HSD17B12: variants seen among roughly 807,000 people sequenced by gnomAD.
HSD17B12 encodes the protein hydroxysteroid 17-beta dehydrogenase 12, also known as very-long-chain 3-oxoacyl-CoA reductase.
In HSD17B12, 32 loss-of-function variants were observed where a neutral mutation model predicts 39.3. The ratio of observed to expected loss-of-function variants is 0.81; its 90% CI spans 0.61 to 1.09. The LOEUF (loss-of-function observed/expected upper bound fraction) is 1.09. HSD17B12 is among the 50% of genes least tolerant of loss of function. HSD17B12 has a pLI of 0.00. For missense variants in HSD17B12, 342 were observed against 382.9 expected (o/e 0.89, Z 0.89); for synonymous variants, 150 against 146.7 (o/e 1.02, Z -0.16).
intron 3 of HSD17B12, chr11:43,754,939 C>G: frequency 1.3e-6 from 1 of 749,956 alleles, no homozygotes; most frequent in Non-Finnish European, 2.4e-6. Context: ...CTCAATCAAC[C>G]AGATGGATAA....
chr11:43,624,930 T>C, the HSD17B12 span, among the ~76,000 whole-genome samples: 1 of 151,858 alleles, frequency 6.6e-6, no homozygotes, highest in Non-Finnish European at 1.5e-5. Flanking sequence ...CCAGGAATAG[T>C]TAAATGATTA....
chr11:43,605,921 G>A, the HSD17B12 span, among the ~76,000 whole-genome samples: 2 of 152,218 alleles, frequency 1.3e-5, no homozygotes, highest in African/African-American at 4.8e-5. Context: ...ATCTTAAAGA[G>A]TTGCCTTTCA....
intron 1 of HSD17B12, among the ~76,000 whole-genome samples, chr11:43,728,296 C>A (rs1243491258): frequency 6.6e-6 from 1 of 152,102 alleles, no homozygotes; most frequent in Non-Finnish European, 1.5e-5. Flanking sequence ...GAACTCCTGA[C>A]CTCAGGTGAT....
At chr11:43,655,931 G>A in the HSD17B12 span, among the ~76,000 whole-genome samples, 3 of 152,188 alleles carry the variant, frequency 2.0e-5, no homozygotes, top group African/African-American at 7.2e-5. Context: ...AAATGAGTTA[G>A]GGAGGATTTC....
intron 1 of HSD17B12, among the ~76,000 whole-genome samples, chr11:43,727,316 G>A (rs1950230473): frequency 6.6e-6 from 1 of 152,166 alleles, no homozygotes; most frequent in South Asian, 2.1e-4. Context: ...TGTTTCCCAA[G>A]CTACTCTTAC....
chr11:43,733,632 G>A (rs1314364390), intron 1 of HSD17B12: 1 of 404,962 alleles, frequency 2.5e-6, no homozygotes, highest in Non-Finnish European at 4.7e-6. Flanking sequence ...AGCAATTTCT[G>A]TCCCTTTCCT....
chr11:43,826,161 C>A (rs1951236617), intron 6 of HSD17B12, among the ~76,000 whole-genome samples: 2 of 149,616 alleles, frequency 1.3e-5, no homozygotes, highest in African/African-American at 2.5e-5. Context: ...CCGCTCACTG[C>A]AAGCTCCGCC....
chr11:43,681,600 G>C (rs1412605884), intron 1 of HSD17B12, among the ~76,000 whole-genome samples: 1 of 151,856 alleles, frequency 6.6e-6, no homozygotes, highest in Non-Finnish European at 1.5e-5. Context: ...TCGCTAAACT[G>C]TTCTGGAGTC....
the HSD17B12 span, among the ~76,000 whole-genome samples, chr11:43,599,542 TA>T: frequency 6.6e-6 from 1 of 152,168 alleles, no homozygotes; most frequent in African/African-American, 2.4e-5. Context: ...TAGTACCCAT[TA>T]GTTATTTTTC....
chr11:43,666,168 A>G, the HSD17B12 span, among the ~76,000 whole-genome samples: 1 of 151,134 alleles, frequency 6.6e-6, no homozygotes, highest in Non-Finnish European at 1.5e-5. Flanking sequence ...TAGTCCCTCC[A>G]TTTTCTCAAT....
chr11:43,724,668 G>C (rs1285513998), intron 1 of HSD17B12, among the ~76,000 whole-genome samples: 3 of 152,146 alleles, frequency 2.0e-5, no homozygotes, highest in Non-Finnish European at 4.4e-5. Context: ...AAAGAGGACT[G>C]ATCCCATTCA....
chr11:43,705,738 A>C (rs753651734), intron 1 of HSD17B12, among the ~76,000 whole-genome samples: 4 of 139,780 alleles, frequency 2.9e-5, no homozygotes, highest in African/African-American at 5.2e-5. Context: ...ATGGCATTTA[A>C]ATTTCTTTTT....
the HSD17B12 span, among the ~76,000 whole-genome samples, chr11:43,656,443 C>G: frequency 6.6e-6 from 1 of 152,090 alleles, no homozygotes; most frequent in Non-Finnish European, 1.5e-5. Flanking sequence ...CTTCTGCTAG[C>G]TTTTGAATGT....
At chr11:43,658,142 C>A in the HSD17B12 span, among the ~76,000 whole-genome samples, 3 of 152,128 alleles carry the variant, frequency 2.0e-5, no homozygotes, top group Admixed American at 1.3e-4. Context: ...TCATTTCATT[C>A]ATTTCATCTT....
At chr11:43,792,282 A>G (rs1193451274) in intron 3 of HSD17B12, among the ~76,000 whole-genome samples, 1 of 152,218 alleles carries the variant, frequency 6.6e-6, no homozygotes, top group Non-Finnish European at 1.5e-5. Flanking sequence ...CTTGTCTTGC[A>G]TCTTTTAAAT....
chr11:43,780,487 T>C (rs1204097138), intron 3 of HSD17B12, among the ~76,000 whole-genome samples: 1 of 152,112 alleles, frequency 6.6e-6, no homozygotes, highest in African/African-American at 2.4e-5. Flanking sequence ...CATATTCTTA[T>C]CATACATATG....
chr11:43,722,336 A>G (rs1387331110), intron 1 of HSD17B12, among the ~76,000 whole-genome samples: 1 of 152,140 alleles, frequency 6.6e-6, no homozygotes, highest in Non-Finnish European at 1.5e-5. Flanking sequence ...CATTACTTGG[A>G]TGGCATACCA....
At chr11:43,824,614 G>A (rs1340601916) in intron 6 of HSD17B12, among the ~76,000 whole-genome samples, 1 of 152,144 alleles carries the variant, frequency 6.6e-6, no homozygotes, top group African/African-American at 2.4e-5. Flanking sequence ...GTGTGAGGGT[G>A]GAACCCTCAT....
At chr11:43,788,006 TA>T (rs1252520653) in intron 3 of HSD17B12, among the ~76,000 whole-genome samples, 1 of 152,160 alleles carries the variant, frequency 6.6e-6, no homozygotes, top group Non-Finnish European at 1.5e-5. Flanking sequence ...ATTACTTTTT[TA>T]AAAAAATTAG....
Sources: allele counts gnomAD v4.1 joint callset (sites outside exome capture counted in the v4.1 genomes callset), GRCh38; gene constraint gnomAD v4.1.1; transcripts MANE v1.5; gene names NCBI Gene and HGNC (gene_info 2026-07-23, HGNC 2026-07-21).